TNIK: variants seen among roughly 807,000 people sequenced by gnomAD.
TNIK encodes the protein TRAF2 and NCK-interacting protein kinase.
A neutral mutation model predicts 191.3 loss-of-function variants in TNIK; 49 were observed. That is an observed-to-expected ratio of 0.26 (90% CI 0.20 to 0.32). The LOEUF is 0.32. Ranked by LOEUF, TNIK falls within the 10% of genes least tolerant of loss-of-function variation. The pLI, the probability that TNIK is intolerant of heterozygous loss-of-function variation, is 1.00. For synonymous variants in TNIK, 594 were observed against 600.9 expected, an observed-to-expected ratio of 0.99 and a Z score of 0.17; for missense variants, 1,155 against 1,702.3, an observed-to-expected ratio of 0.68 and a Z score of 5.66.
intron 1 of TNIK, among the ~76,000 whole-genome samples, chr3:171,440,906 C>T (rs894626837): frequency 2.0e-5 from 3 of 152,122 alleles, no homozygotes; most frequent in African/African-American, 7.2e-5. Context: ...AATAGCTCTC[C>T]CAGTCCTGGC....
intron 7 of TNIK, among the ~76,000 whole-genome samples, chr3:171,178,680 C>T (rs1212228210): frequency 6.6e-6 from 1 of 152,146 alleles, no homozygotes; most frequent in Admixed American, 6.6e-5. Context: ...GCCTCAGTTT[C>T]ACAGCAGATT....
chr3:171,158,730 G>C (rs1407654087), intron 11 of TNIK, among the ~76,000 whole-genome samples: 1 of 152,172 alleles, frequency 6.6e-6, no homozygotes, highest in Non-Finnish European at 1.5e-5. Context: ...AATAATTTCA[G>C]GTATTAATAG....
At chr3:171,194,778 C>T in intron 4 of TNIK, 143 bp from the exon 5 acceptor site, 1 of 654,078 alleles carries the variant, frequency 1.5e-6, no homozygotes. Flanking sequence ...ATATAAAACA[C>T]AAGCTTTTAC....
chr3:171,370,475 A>G (rs1265711938), intron 1 of TNIK, among the ~76,000 whole-genome samples: 2 of 152,216 alleles, frequency 1.3e-5, no homozygotes, highest in Non-Finnish European at 2.9e-5. Flanking sequence ...AAGAAAAATC[A>G]AAGCCAATAA....
intron 1 of TNIK, among the ~76,000 whole-genome samples, chr3:171,435,163 G>A (rs1725879708): frequency 6.6e-6 from 1 of 152,204 alleles, no homozygotes; most frequent in Non-Finnish European, 1.5e-5. Context: ...GGATAGGGAA[G>A]ATATCTTTTT....
chr3:171,085,560 C>T (rs1460547778), intron 24 of TNIK, among the ~76,000 whole-genome samples: 5 of 152,190 alleles, frequency 3.3e-5, no homozygotes, highest in Non-Finnish European at 5.9e-5. Flanking sequence ...AAAGCAACCT[C>T]CTATATTGAC....
intron 3 of TNIK, among the ~76,000 whole-genome samples, chr3:171,223,643 T>C (rs1742624358): frequency 6.6e-6 from 1 of 152,120 alleles, no homozygotes; most frequent in Non-Finnish European, 1.5e-5. Flanking sequence ...CATCCTAAAA[T>C]GGGGCTAATC....
chr3:171,246,695 A>G lies in TNIK; in HGVS notation c.124-18474T>C, dbSNP rs563415405. Reference sequence around the variant, plus strand: ...GTTCACTTACAATCTTAGTCTTTCTAGCACTAGTTTTTCCCTCAAGATCTT... The same window carrying G: ...GTTCACTTACAATCTTAGTCTTTCTGGCACTAGTTTTTCCCTCAAGATCTT... On this transcript the variant is annotated intron_variant, in intron 2 of 32. Transcript: ENST00000436636. 1.8e-4 allele frequency among the ~76,000 whole-genome samples: 27 copies of G among 152,330 alleles called. 1 individual carries two copies. The highest frequency in any genetic ancestry group is 6.5e-4 in the African/African-American group (27 of 41,566).
intron 10 of TNIK, among the ~76,000 whole-genome samples, chr3:171,162,467 A>AT (rs1442148244): frequency 1.7e-4 from 26 of 152,248 alleles, no homozygotes; most frequent in African/African-American, 6.3e-4. Context: ...TATATTTAAA[A>AT]TGTGTTTTGA....
intron 2 of TNIK, among the ~76,000 whole-genome samples, chr3:171,364,703 T>C (rs568092453): frequency 6.6e-6 from 1 of 152,214 alleles, no homozygotes; most frequent in South Asian, 2.1e-4. Flanking sequence ...AGCAGGTTAA[T>C]GTAATAAAGA....
chr3:171,311,005 T>G (rs1227152545), intron 2 of TNIK, among the ~76,000 whole-genome samples: 3 of 152,186 alleles, frequency 2.0e-5, no homozygotes, highest in African/African-American at 7.2e-5. Flanking sequence ...CAAACACAAG[T>G]GGCCCCTGAA....
chr3:171,236,060 C>G (rs1200266403), intron 2 of TNIK, among the ~76,000 whole-genome samples: 1 of 152,160 alleles, frequency 6.6e-6, no homozygotes, highest in East Asian at 1.9e-4. Context: ...CATACTAGAA[C>G]AGAAAGCCCC....
chr3:171,197,814 G>A (rs1738894094), intron 4 of TNIK, among the ~76,000 whole-genome samples: 1 of 152,170 alleles, frequency 6.6e-6, no homozygotes, highest in African/African-American at 2.4e-5. Context: ...CATTGCTAAT[G>A]GTAATGTAAA....
At chr3:171,106,543 T>C (rs1462062509) in intron 21 of TNIK, 6 of 342,838 alleles carry the variant, frequency 1.8e-5, no homozygotes, top group Admixed American at 1.0e-4. Flanking sequence ...AAACAAATTC[T>C]ACTCTGCTGT....
intron 2 of TNIK, among the ~76,000 whole-genome samples, chr3:171,267,274 G>T (rs1369930220): frequency 6.6e-6 from 1 of 152,158 alleles, no homozygotes; most frequent in Non-Finnish European, 1.5e-5. Context: ...CAAAGCTGCT[G>T]GTGTAAGGGC....
chr3:171,174,478 G>A (rs1735730595), intron 9 of TNIK, among the ~76,000 whole-genome samples: 1 of 152,144 alleles, frequency 6.6e-6, no homozygotes. Context: ...AAGAAAGGAG[G>A]AAGCAATGAA....
chr3:171,373,689 G>C (rs946242083), intron 1 of TNIK, among the ~76,000 whole-genome samples: 1 of 152,166 alleles, frequency 6.6e-6, no homozygotes, highest in Non-Finnish European at 1.5e-5. Context: ...TCCCAGCCTT[G>C]TGTTCCATCA....
chr3:171,273,574 G>A (rs901141815), intron 2 of TNIK, among the ~76,000 whole-genome samples: 3 of 152,132 alleles, frequency 2.0e-5, no homozygotes, highest in African/African-American at 7.2e-5. Flanking sequence ...TTTCACGCAT[G>A]GATAGTTGTT....
At chr3:171,434,434 C>T (rs7618779) in intron 1 of TNIK, among the ~76,000 whole-genome samples, 101,154 of 151,736 alleles carry the variant, frequency 0.67, 35,204 homozygotes, top group African/African-American at 0.83. Context: ...CATCTTGTAA[C>T]TCTTTTTTAC....
Sources: allele counts gnomAD v4.1 joint callset (sites outside exome capture counted in the v4.1 genomes callset), GRCh38; gene constraint gnomAD v4.1.1; transcripts MANE v1.5; gene names NCBI Gene and HGNC (gene_info 2026-07-23, HGNC 2026-07-21).